The following FGD4 variants were observed in gnomAD, a reference collection of about 807,000 sequenced individuals.
FGD4 encodes the protein FYVE, RhoGEF and PH domain-containing protein 4.
In FGD4, 42 loss-of-function variants were observed where a neutral mutation model predicts 102.0. The ratio of observed to expected loss-of-function variants is 0.41; its 90% confidence interval spans 0.32 to 0.53. The LOEUF is 0.53. Among genes scored for constraint, FGD4 ranks in the 20% least tolerant of loss-of-function variants. FGD4 has a pLI of 0.21. For synonymous variants in FGD4, 380 were observed against 375.7 expected (o/e 1.01, Z -0.13); for missense variants, 902 against 1,078.2 (o/e 0.84, Z 2.29).
chr12:32,574,750 A>T (rs369150583), intron 2 of FGD4: 2 of 152,148 alleles, frequency 1.3e-5, no homozygotes, highest in Admixed American at 1.3e-4. Context: ...GCATGAGCCA[A>T]CTGTCAGCTA....
intron 1 of FGD4, among the ~76,000 whole-genome samples, chr12:32,502,897 G>C (rs1457036857): frequency 6.6e-6 from 1 of 152,202 alleles, no homozygotes; most frequent in African/African-American, 2.4e-5. Context: ...CATGCATGCA[G>C]GCACCGTGGT....
chr12:32,627,467 A>G (rs887896495), intron 14 of FGD4, among the ~76,000 whole-genome samples: 1 of 152,064 alleles, frequency 6.6e-6, no homozygotes, highest in African/African-American at 2.4e-5. Context: ...TTTTGATGCA[A>G]TATCTGTGTG....
At chr12:32,464,116 G>A (rs985273116) in intron 1 of FGD4, among the ~76,000 whole-genome samples, 11 of 152,022 alleles carry the variant, frequency 7.2e-5, no homozygotes, top group Admixed American at 5.3e-4. Context: ...CCAGTGAAAC[G>A]TTATGTATGT....
At chr12:32,497,086 A>G (rs964251941) in intron 1 of FGD4, among the ~76,000 whole-genome samples, 3 of 152,176 alleles carry the variant, frequency 2.0e-5, no homozygotes, top group African/African-American at 4.8e-5. Context: ...ACCTCCTCAC[A>G]TAGACTTTCC....
chr12:32,468,079 G>A (rs1943315268), intron 1 of FGD4, among the ~76,000 whole-genome samples: 1 of 151,892 alleles, frequency 6.6e-6, no homozygotes, highest in South Asian at 2.1e-4. Flanking sequence ...GTGTTGCCCT[G>A]TCACCCAGGC....
At chr12:32,596,219 A>G (rs1947881543) in intron 4 of FGD4, among the ~76,000 whole-genome samples, 1 of 152,240 alleles carries the variant, frequency 6.6e-6, no homozygotes, top group Non-Finnish European at 1.5e-5. Context: ...TTCTAATAGG[A>G]CCAAGCCCAA....
chr12:32,578,946 C>G (rs1041546984), intron 3 of FGD4, among the ~76,000 whole-genome samples: 1 of 150,426 alleles, frequency 6.6e-6, no homozygotes, highest in African/African-American at 2.5e-5. Context: ...TTCTTTCTCT[C>G]TTTCAGGTTA....
At chr12:32,442,185 C>G (rs993030268) in intron 1 of FGD4, among the ~76,000 whole-genome samples, 2 of 151,926 alleles carry the variant, frequency 1.3e-5, no homozygotes, top group African/African-American at 4.8e-5. Flanking sequence ...TCCCAAGTAG[C>G]TGGGACAACA....
chr12:32,627,029 G>T lies in FGD4; in HGVS notation c.2172+1250G>T, dbSNP rs1336163182. 4.0e-5 allele frequency among the ~76,000 whole-genome samples: 6 copies of T among 151,684 alleles called. No homozygotes were observed. In the South Asian group the frequency reaches 1.2e-3, roughly 32 times the overall value. ...CACCTGGCTGATTTCTGTATTTTTAGTAGGGATGGGGTTTCTCCATGTTGG... is the reference window on the plus strand; with the variant it reads ...CACCTGGCTGATTTCTGTATTTTTATTAGGGATGGGGTTTCTCCATGTTGG... On this transcript the variant is annotated intron_variant, in intron 14 of 16. Coordinates refer to ENST00000534526, the MANE Select transcript of FGD4 (RefSeq NM_001370298.3).
intron 1 of FGD4, among the ~76,000 whole-genome samples, chr12:32,483,213 T>A (rs1425825310): frequency 6.6e-6 from 1 of 152,196 alleles, no homozygotes; most frequent in Admixed American, 6.5e-5. Flanking sequence ...TTCAAGCATG[T>A]GTGAGTAAAT....
intron 1 of FGD4, among the ~76,000 whole-genome samples, chr12:32,493,161 C>G (rs1389125397): frequency 3.9e-5 from 6 of 152,188 alleles, no homozygotes; most frequent in African/African-American, 1.2e-4. Context: ...ACTGGGCAGT[C>G]ACCGTCCAGC....
At chr12:32,601,919 C>T (rs1254551593) in intron 6 of FGD4, among the ~76,000 whole-genome samples, 1 of 152,126 alleles carries the variant, frequency 6.6e-6, no homozygotes, top group African/African-American at 2.4e-5. Context: ...CCAGCCTGGG[C>T]AACATGGTGA....
At chr12:32,639,069 G>C in intron 16 of FGD4, 1 of 730,082 alleles carries the variant, frequency 1.4e-6, no homozygotes, top group Non-Finnish European at 1.9e-6. Flanking sequence ...TGAGCATGAG[G>C]AGAAGGGGAA....
intron 1 of FGD4, among the ~76,000 whole-genome samples, chr12:32,466,286 C>T (rs1379820958): frequency 6.6e-6 from 1 of 151,992 alleles, no homozygotes; most frequent in Non-Finnish European, 1.5e-5. Flanking sequence ...TGTACATATA[C>T]ATATAAAAAA....
chr12:32,579,290 C>T (rs12312715), intron 3 of FGD4, among the ~76,000 whole-genome samples: 14,896 of 151,934 alleles, frequency 0.098, 1,182 homozygotes, highest in African/African-American at 0.22. Flanking sequence ...GTGATCTGCC[C>T]GCCTTGGCCT....
chr12:32,550,512 A>AT (rs1943564642), intron 1 of FGD4, among the ~76,000 whole-genome samples: 2 of 151,728 alleles, frequency 1.3e-5, no homozygotes, highest in African/African-American at 2.4e-5. Context: ...TCTACAAAAT[A>AT]TTTTTTAAAA....
intron 1 of FGD4, among the ~76,000 whole-genome samples, chr12:32,521,157 G>C (rs1394039102): frequency 2.0e-5 from 3 of 152,060 alleles, no homozygotes; most frequent in Non-Finnish European, 4.4e-5. Context: ...GGGAGTCCGA[G>C]GCGGGTGGAT....
rs1943987704 is a variant in FGD4, at chr12:32,555,169, T to C, written c.167-8968T>C. On this transcript the variant is annotated intron_variant, in intron 1 of 16. Transcript: ENST00000534526. The stretch of plus-strand genomic sequence containing the variant: ...AGTGCTAGATGGTAAAATCTGGAAA[T>C]ATTTTGAAAGTAGAGCCACCAGGAT... Among the ~76,000 whole-genome samples, 3 of 152,146 alleles carry C rather than the reference T, an allele frequency of 2.0e-5. No homozygotes were observed. The South Asian group carries it at 6.2e-4, about 32-fold the overall frequency.
chr12:32,591,294 A>G (rs940555100), intron 4 of FGD4, among the ~76,000 whole-genome samples: 1 of 152,238 alleles, frequency 6.6e-6, no homozygotes, highest in Non-Finnish European at 1.5e-5. Context: ...TTTTGTTTTG[A>G]CTATAACCTC....
Sources: allele counts gnomAD v4.1 joint callset (sites outside exome capture counted in the v4.1 genomes callset), GRCh38; gene constraint gnomAD v4.1.1; transcripts MANE v1.5; gene names NCBI Gene and HGNC (gene_info 2026-07-23, HGNC 2026-07-21).